Variants in MFAP5 observed in about 807,000 individuals in gnomAD.
MFAP5 encodes the protein microfibrillar-associated protein 5.
In MFAP5, 19 loss-of-function variants were observed where a neutral mutation model predicts 30.1. The observed-to-expected ratio is 0.63, with a 90% CI of 0.44 to 0.93. MFAP5 has a LOEUF of 0.93. MFAP5 is among the 40% of genes least tolerant of loss of function. MFAP5 has a pLI of 0.00. For synonymous variants in MFAP5, 92 were observed against 72.9 expected (o/e 1.26, Z -1.33); for missense variants, 210 against 221.3 (o/e 0.95, Z 0.32).
chr12:8,656,183 C>T lies in MFAP5; in HGVS notation c.95-353G>A, dbSNP rs543665401. On this transcript the variant is annotated intron_variant, in intron 3 of 9. Transcript: ENST00000359478. ...TCACATCATTCTCCTGCCTCAGCCT[C>T]CCAAGTAGCTGGGACTACAGGCGCC... Among the ~76,000 whole-genome samples the T allele has an allele frequency of 3.4e-3, 514 of 151,566 alleles. 2 individuals carry two copies. The highest frequency in any genetic ancestry group is 5.2e-3 in the Admixed American group (79 of 15,200).
At chr12:8,658,916 G>A (rs1343062587) in intron 3 of MFAP5, among the ~76,000 whole-genome samples, 2 of 150,882 alleles carry the variant, frequency 1.3e-5, no homozygotes, top group Admixed American at 6.6e-5. Context: ...TTGCAGCTTC[G>A]AACTCCTGGG....
At chr12:8,654,381 T>G in intron 6 of MFAP5, 56 bp downstream of exon 6, 1 of 1,512,890 alleles carries the variant, frequency 6.6e-7, no homozygotes, top group Non-Finnish European at 9.0e-7. Context: ...CAGAATGGGC[T>G]CTGGGGAAAG....
chr12:8,653,838 T>A (rs983415036), intron 6 of MFAP5, among the ~76,000 whole-genome samples: 2 of 152,202 alleles, frequency 1.3e-5, no homozygotes, highest in Admixed American at 1.3e-4. Context: ...TTTTCAATAA[T>A]GATTTGTTAA....
intron 9 of MFAP5, 105 bp from the exon 10 acceptor site, chr12:8,648,308 G>T: frequency 9.6e-7 from 1 of 1,039,844 alleles, no homozygotes; most frequent in Non-Finnish European, 1.4e-6. Flanking sequence ...TGAAAAGGTT[G>T]GAGAGAAAAA....
intron 8 of MFAP5, 53 bp from the exon 9 acceptor site, chr12:8,649,627 G>T: frequency 6.7e-7 from 1 of 1,482,438 alleles, no homozygotes; most frequent in East Asian, 2.3e-5. Flanking sequence ...AAAGCCTTGA[G>T]AGGAGAACTC....
At chr12:8,654,640 T>A (rs893125281) in intron 5 of MFAP5, among the ~76,000 whole-genome samples, 159 bp from the exon 6 acceptor site, 3 of 152,144 alleles carry the variant, frequency 2.0e-5, no homozygotes, top group African/African-American at 7.2e-5. Context: ...TAATTATAAA[T>A]TTTTTTAAAG....
At chr12:8,656,442 C>T (rs1941990402) in intron 3 of MFAP5, among the ~76,000 whole-genome samples, 2 of 148,738 alleles carry the variant, frequency 1.3e-5, no homozygotes. Flanking sequence ...AAGAGTCTCG[C>T]TCTGTCACCC....
In MFAP5 at chr12:8,651,710, A is replaced by T. The variant is rs1182073866; in HGVS notation, c.218-19T>A. On this transcript the variant is annotated intron_variant, in intron 6 of 9. Coordinates refer to ENST00000359478, the MANE Select transcript of MFAP5 (RefSeq NM_003480.4). ...AGGGAGGCTGAAAGGCAGAAATTTTATTCCACTGTTACCAATTCTAGAAGT... is the reference window on the plus strand; with the variant it reads ...AGGGAGGCTGAAAGGCAGAAATTTTTTTCCACTGTTACCAATTCTAGAAGT... 6.2e-7 allele frequency: 1 copy of T among 1,611,352 alleles called. No homozygotes were observed. The highest frequency in any genetic ancestry group is 1.7e-5 in the Admixed American group (1 of 60,010).
intron 3 of MFAP5, among the ~76,000 whole-genome samples, chr12:8,659,119 A>C (rs1306395096): frequency 6.6e-6 from 1 of 151,358 alleles, no homozygotes; most frequent in Non-Finnish European, 1.5e-5. Flanking sequence ...GACCAGCCTG[A>C]CTAACACGGT....
intron 3 of MFAP5, among the ~76,000 whole-genome samples, chr12:8,659,736 C>T (rs1246985472): frequency 1.3e-5 from 2 of 151,808 alleles, no homozygotes; most frequent in African/African-American, 2.4e-5. Context: ...TATACTGTAC[C>T]CTGGTATATA....
chr12:8,654,370 C>T, intron 6 of MFAP5, 67 bp downstream of exon 6: 1 of 1,471,178 alleles, frequency 6.8e-7, no homozygotes, highest in Non-Finnish European at 9.3e-7. Flanking sequence ...TGCACACTAT[C>T]CAGAATGGGC....
intron 3 of MFAP5, 71 bp downstream of exon 3, chr12:8,660,792 T>A: frequency 7.2e-7 from 1 of 1,385,688 alleles, no homozygotes. Flanking sequence ...CAGGAAGGAT[T>A]TTTTAACTCT....
In MFAP5 at chr12:8,646,072, AG is replaced by A. The variant is rs1941672807; in HGVS notation, c.*2018del. 1 of 152,642 alleles carries A rather than the reference AG, an allele frequency of 6.6e-6. No homozygotes were observed. Among genetic ancestry groups the A allele is most frequent in the Non-Finnish European group, 1.5e-5 (1 of 68,052 alleles). The allele number at this position is 152,642 out of a possible 1,614,324, so 9.5% of individuals were successfully genotyped here. The stretch of plus-strand genomic sequence containing the variant: ...TGGAAATGTTGCAATGTGGAGTAGG[AG>A]GGTCAAGTTCGTGAAGATATTCTTA... On this transcript the variant is annotated 3_prime_UTR_variant, in exon 10 of 10. Transcript: ENST00000359478.
At chr12:8,655,583 A>T in intron 4 of MFAP5, 136 bp from the exon 5 acceptor site, 1 of 1,016,310 alleles carries the variant, frequency 9.8e-7, no homozygotes, top group Admixed American at 2.5e-5. Flanking sequence ...CAGATGAGGG[A>T]CTATCGCAGA....
chr12:8,660,191 ATTT>A (rs36061194), intron 3 of MFAP5, among the ~76,000 whole-genome samples: 4 of 138,656 alleles, frequency 2.9e-5, no homozygotes, highest in Non-Finnish European at 1.6e-5. Flanking sequence ...TTTTTTTCTA[ATTT>A]TTTTTTTTTT....
intron 3 of MFAP5, among the ~76,000 whole-genome samples, chr12:8,656,583 T>TATATACACACACACACACACACAC (rs757975127): frequency 0.043 from 5,846 of 134,714 alleles, 221 homozygotes; most frequent in Middle Eastern, 0.077. Flanking sequence ...AATATATATA[T>TATATACACACACACACACACACAC]ATATATATAC....
rs1447936176 is a variant in MFAP5, at chr12:8,655,655, A to G, written c.139+131T>C. ...CAGAGATGCTGGCATCTAAGGTGAC[A>G]ACAGAACTCTGCATGAGCTCAGAGC... On this transcript the variant is annotated intron_variant, in intron 4 of 9. Coordinates refer to ENST00000359478, the MANE Select transcript of MFAP5 (RefSeq NM_003480.4). The G allele has an allele frequency of 5.3e-6, 6 of 1,125,244 alleles. No homozygotes were observed. The East Asian group carries it at 1.2e-4, about 22-fold the overall frequency. The allele number at this position is 1,125,244 out of a possible 1,614,324, so 69.7% of individuals were successfully genotyped here.
chr12:8,662,805 G>C lies in MFAP5; in HGVS notation c.-181C>G, dbSNP rs1055259411. ...GAGGGAGAGCAAGAAAGCCAGGCTA[G>C]GCGTAGAATGTGTGTTACAATGAGG... On this transcript the variant is annotated 5_prime_UTR_variant, in exon 1 of 10. Coordinates refer to ENST00000359478, the MANE Select transcript of MFAP5 (RefSeq NM_003480.4). The C allele has an allele frequency of 2.0e-5, 3 of 152,404 alleles. No individual in the cohort carries two copies. Among genetic ancestry groups the C allele is most frequent in the African/African-American group, 7.2e-5 (3 of 41,442 alleles). The allele number at this position is 152,404 out of a possible 1,614,324, so 9.4% of individuals were successfully genotyped here.
chr12:8,653,066 C>T (rs1445277512), intron 6 of MFAP5, among the ~76,000 whole-genome samples: 1 of 152,004 alleles, frequency 6.6e-6, no homozygotes, highest in African/African-American at 2.4e-5. Flanking sequence ...GTGGTGGGCG[C>T]CTGTAATCCC....
Sources: allele counts gnomAD v4.1 joint callset (sites outside exome capture counted in the v4.1 genomes callset), GRCh38; gene constraint gnomAD v4.1.1; transcripts MANE v1.5; gene names NCBI Gene and HGNC (gene_info 2026-07-23, HGNC 2026-07-21).